Variants in FLII observed in about 807,000 individuals in gnomAD.
FLII encodes the protein protein flightless-1 homolog.
In FLII, 101 loss-of-function variants were observed where a neutral mutation model predicts 156.2. The ratio of observed to expected loss-of-function variants is 0.65; its 90% CI spans 0.55 to 0.76. The LOEUF (loss-of-function observed/expected upper bound fraction) is 0.76, where lower values mean the gene tolerates loss of function less well. Ranked by LOEUF, FLII falls within the 30% of genes least tolerant of loss-of-function variation. The probability of loss-of-function intolerance (pLI) is 0.00; values close to 1 mark genes in which losing one functional copy is unlikely to be tolerated. For synonymous variants in FLII, 767 were observed against 685.8 expected (o/e 1.12, Z -1.85); for missense variants, 1,675 against 1,682.8 (o/e 1.00, Z 0.08).
In FLII at chr17:18,258,705, T is replaced by A. The variant is rs1453599496; in HGVS notation, c.-15A>T. The A allele has an allele frequency of 2.0e-6, 3 of 1,464,584 alleles. No individual in the cohort carries two copies. The highest frequency in any genetic ancestry group is 2.5e-5 in the Admixed American group (1 of 40,732). The allele number at this position is 1,464,584 out of a possible 1,614,324, so 90.7% of individuals were successfully genotyped here. On this transcript the variant is annotated 5_prime_UTR_variant, in exon 1 of 30. Coordinates refer to ENST00000327031, the MANE Select transcript of FLII (RefSeq NM_002018.4). The surrounding 1 kb of genome is among the most constrained non-coding windows in gnomAD (Gnocchi z 4.2). ...GTGGCCTCCATGGCGCCGCTCTCGC[T>A]GCCGGGCCGCGCCGGGCTAGGGAGC... is the stretch of plus-strand genomic sequence containing the variant.
At chr17:18,248,460 C>T in intron 18 of FLII, 90 bp downstream of exon 18, 2 of 1,313,742 alleles carry the variant, frequency 1.5e-6, no homozygotes, top group African/African-American at 1.5e-5. Context: ...CGAGATGGAG[C>T]CCAAAGCCAA....
In FLII at chr17:18,245,637, A is replaced by G. The variant is rs776474760; in HGVS notation, c.3527T>C (p.Phe1176Ser). The G allele has an allele frequency of 3.1e-6, 5 of 1,613,792 alleles. No individual in the cohort carries two copies. The highest frequency in any genetic ancestry group is 4.2e-6 in the Non-Finnish European group (5 of 1,179,976). The change falls in exon 28 of 30, where the codon TTT becomes TCT. Residue 1176 changes from phenylalanine to serine, a missense_variant. This residue lies in a region of FLII where 1,332 missense variants were observed against 1,269.3 expected (regional missense o/e 1.05). Coordinates refer to ENST00000327031, the MANE Select transcript of FLII (RefSeq NM_002018.4). ...GTCGGAGCATTTCTCAGTCACTGCAAAGTAGCCCTTCTCGTTGGAGCACCT... is the reference window on the plus strand; with the variant it reads ...GTCGGAGCATTTCTCAGTCACTGCAGAGTAGCCCTTCTCGTTGGAGCACCT... The part of the protein sequence containing the change: ...LFRCSNEKGY[F>S]AVTEKCSDFC...
chr17:18,251,024 G>A lies in FLII; in HGVS notation c.1597-7C>T, dbSNP rs771413975. 1.2e-6 allele frequency: 2 copies of A among 1,611,228 alleles called. No individual in the cohort carries two copies. The highest frequency in any genetic ancestry group is 2.7e-5 in the African/African-American group (2 of 74,894). On this transcript the variant is annotated splice_polypyrimidine_tract_variant and splice_region_variant and intron_variant, in intron 13 of 29. Coordinates refer to ENST00000327031, the MANE Select transcript of FLII (RefSeq NM_002018.4). ...CGCTGTCATCCAGAAAGGTCTGGAA[G>A]CCAAGGCACCGGCCACATCAGCTTT...
chr17:18,248,254 T>A (rs1388255586), intron 18 of FLII, among the ~76,000 whole-genome samples: 1 of 152,176 alleles, frequency 6.6e-6, no homozygotes, highest in Non-Finnish European at 1.5e-5. Flanking sequence ...CATTTCTAAT[T>A]AACGTGTCCC....
chr17:18,252,612 G>T, intron 9 of FLII, 56 bp from the exon 10 acceptor site: 2 of 1,420,552 alleles, frequency 1.4e-6, no homozygotes, highest in Non-Finnish European at 2.0e-6. Context: ...GGGGAAGTGG[G>T]CAAGAAAACC....
rs780763532 is a variant in FLII, at chr17:18,249,130, G to A, written c.1931C>T (p.Pro644Leu). The stretch of plus-strand genomic sequence containing the variant: ...ACCTCACATTGTTGGGGCTCACCTT[G>A]GGTCCAGAGAGGTCCCCTTGAGGGG... ...PVPLKGTSLD[P>L]RFVFLLDRGL... is the part of the protein sequence containing the mutation. The change falls in exon 16 of 30, where the codon CCA becomes CTA. Residue 644 changes from proline to leucine, a missense_variant. By Grantham distance (98) the Pro-to-Leu change is moderately conservative (BLOSUM62 -3). Coordinates refer to ENST00000327031, the MANE Select transcript of FLII (RefSeq NM_002018.4). 1.2e-6 allele frequency: 2 copies of A among 1,613,594 alleles called. No homozygotes were observed. The highest frequency in any genetic ancestry group is 2.2e-5 in the South Asian group (2 of 91,074).
intron 23 of FLII, 57 bp downstream of exon 23, chr17:18,246,537 C>G: frequency 6.2e-7 from 1 of 1,611,852 alleles, no homozygotes; most frequent in Non-Finnish European, 8.5e-7. Context: ...TTCGCTGGGT[C>G]TGAGCCCCAC....
At chr17:18,247,141 C>CG (rs1555560599) in intron 21 of FLII, 28 bp downstream of exon 21, 12 of 1,364,730 alleles carry the variant, frequency 8.8e-6, no homozygotes, top group South Asian at 1.4e-5. Context: ...CCCCCCCCCC[C>CG]GCGCCCCGGT....
Position 18,247,460 on chromosome 17 carries a change from G to A in FLII, c.2488-103C>T, listed in dbSNP as rs1182728798. 8.1e-6 allele frequency: 10 copies of A among 1,232,476 alleles called. No individual in the cohort carries two copies. In the East Asian group the frequency reaches 1.2e-4, roughly 14 times the overall value. 76.3% of individuals were successfully genotyped at this position (1,232,476 alleles called of 1,614,324 possible). On this transcript the variant is annotated intron_variant, in intron 20 of 29. Coordinates refer to ENST00000327031, the MANE Select transcript of FLII (RefSeq NM_002018.4). ...GGGACCCAAGGGAGATCTAGGGCGG[G>A]GCTTGGGAGGCGGGGCCTCGGACAC...
In FLII at chr17:18,253,684, G is replaced by A; in HGVS notation, c.715C>T (p.Pro239Ser). 6.2e-7 allele frequency: 1 copy of A among 1,613,320 alleles called. No homozygotes were observed. The highest frequency in any genetic ancestry group is 8.5e-7 in the Non-Finnish European group (1 of 1,179,898). The change falls in exon 8 of 30, where the codon CCC becomes TCC. Residue 239 changes from proline to serine, a missense_variant. Pro to Ser is a moderately conservative substitution (Grantham distance 74). Around this residue, in one of 2 missense-constraint regions of FLII, gnomAD observed 343 missense variants for 413.5 expected, o/e 0.83. Coordinates refer to ENST00000327031, the MANE Select transcript of FLII (RefSeq NM_002018.4). ...DLSCNDLTRV[P>S]ECLYTLPSLR... is the part of the protein sequence containing the mutation. ...CTGGGGAGGGTGTACAGACACTCGG[G>A]CACCCGTGTCAGGTCATTGCAGGAC... is the stretch of plus-strand genomic sequence containing the variant.
chr17:18,253,617 A>C lies in FLII; in HGVS notation c.782T>G (p.Leu261Arg). ...LNLSSNQITE[L>R]SLCIDQWVHV... The stretch of plus-strand genomic sequence containing the variant: ...CACCCACTGGTCTATGCACAGGGAC[A>C]GCTCCGTGATCTGGTTGCTGCTGAG... The change falls in exon 8 of 30, where the codon CTG (leucine) becomes CGG (arginine). Residue 261 changes from leucine to arginine, a missense_variant. This residue lies in a region of FLII where 343 missense variants were observed against 413.5 expected (regional missense o/e 0.83). Transcript: ENST00000327031. 6.2e-7 allele frequency: 1 copy of C among 1,614,096 alleles called. No individual in the cohort carries two copies. The highest frequency in any genetic ancestry group is 8.5e-7 in the Non-Finnish European group (1 of 1,180,020).
chr17:18,250,825 A>C lies in FLII; in HGVS notation c.1776+13T>G, dbSNP rs373578718. On this transcript the variant is annotated intron_variant, in intron 14 of 29. Transcript: ENST00000327031. ...CCCCACTCTGCCCACCCCCAATTTT[A>C]ACGGGCTGGCACCTGCAGGAACTCC... 4.4e-6 allele frequency: 7 copies of C among 1,600,892 alleles called. No individual in the cohort carries two copies. The African/African-American group carries it at 9.4e-5, about 21-fold the overall frequency.
intron 9 of FLII, 145 bp from the exon 10 acceptor site, chr17:18,252,701 G>T: frequency 1.5e-6 from 1 of 663,414 alleles, no homozygotes; most frequent in Admixed American, 2.4e-5. Context: ...GGACTTCTCA[G>T]AGCCAAGAGA....
Position 18,245,066 on chromosome 17 carries a change from A to G in FLII, c.*72T>C. ...GGAGCAGGTGGTGTCACCTGAGTAC[A>G]TTCTTTGCTAGCAGACAGTGGATGA... On this transcript the variant is annotated 3_prime_UTR_variant, in exon 30 of 30. Transcript: ENST00000327031. 2 of 1,530,670 alleles carry G rather than the reference A, an allele frequency of 1.3e-6. No individual in the cohort carries two copies. The highest frequency in any genetic ancestry group is 2.4e-5 in the South Asian group (2 of 82,242). The allele number at this position is 1,530,670 out of a possible 1,614,324, so 94.8% of individuals were successfully genotyped here. A position where few individuals can be genotyped will look rare whatever the true frequency, so the allele number is the denominator to read the frequency against.
At position 18,246,470 on chromosome 17, in the gene FLII, T is replaced by G; in HGVS notation, c.3052-8A>C. On this transcript the variant is annotated splice_region_variant and splice_polypyrimidine_tract_variant and intron_variant, in intron 23 of 29. Transcript: ENST00000327031. ...CTGCGTCATGCGTACCACCTGGGGA[T>G]GTGGAAGTGTTAGGGGCAGCTCCCT... is the stretch of plus-strand genomic sequence containing the variant. 6.2e-7 allele frequency: 1 copy of G among 1,613,716 alleles called. No individual in the cohort carries two copies. The highest frequency in any genetic ancestry group is 8.5e-7 in the Non-Finnish European group (1 of 1,179,964).
rs1004117072 is a variant in FLII, at chr17:18,251,279, A to G, written c.1582T>C (p.Tyr528His). 1.2e-6 allele frequency: 2 copies of G among 1,613,970 alleles called. No homozygotes were observed. Among genetic ancestry groups the G allele is most frequent in the East Asian group, 4.5e-5 (2 of 44,884 alleles). Reference sequence around the variant, plus strand: ...CCAGCCCTCACCTTGAGCACAATGTAGCAGTCAGCCTCGTAGAACTTGCCG... The same window carrying G: ...CCAGCCCTCACCTTGAGCACAATGTGGCAGTCAGCCTCGTAGAACTTGCCG... ...FHGKFYEADC[Y>H]IVLKTFLDDS... is the part of the protein sequence containing the mutation. Residue 528 changes from tyrosine (Y) to histidine (H), a missense_variant, in exon 13 of 30, where the codon TAC becomes CAC. Coordinates refer to ENST00000327031, the MANE Select transcript of FLII (RefSeq NM_002018.4).
rs137982832 is a variant in FLII, at chr17:18,253,592, C to T, written c.807G>A (p.Val269=). 6.2e-7 allele frequency: 1 copy of T among 1,614,038 alleles called. No individual in the cohort carries two copies. The change falls in exon 8 of 30, where the codon GTG becomes GTA. Residue 269 remains valine, a synonymous_variant. Transcript: ENST00000327031. ...TELSLCIDQW[V]HVETLNLSRN... is the part of the protein sequence containing the mutation. ...GGGACAGGTTCAGAGTTTCCACGTG[C>T]ACCCACTGGTCTATGCACAGGGACA...
Position 18,258,372 on chromosome 17 carries a change from TCCCGGCCGGGCC to T in FLII, c.63+244_63+255del. 1 of 1,005,118 alleles carries T rather than the reference TCCCGGCCGGGCC, an allele frequency of 9.9e-7. No homozygotes were observed. Among genetic ancestry groups the T allele is most frequent in the Non-Finnish European group, 1.4e-6 (1 of 704,464 alleles). The allele number at this position is 1,005,118 out of a possible 1,614,324, so 62.3% of individuals were successfully genotyped here. On this transcript the variant is annotated intron_variant, in intron 1 of 29. Coordinates refer to ENST00000327031, the MANE Select transcript of FLII (RefSeq NM_002018.4). This position sits in a 1 kb window ranked among gnomAD's most constrained non-coding sequence, Gnocchi z 4.2. ...GAGAACACGGACGCGGGGTGGGGGC[TCCCGGCCGGGCC>T]CCCGGCGGGACTCCGAGCCCAAGCG...
At position 18,246,394 on chromosome 17, in the gene FLII, G is replaced by A; in HGVS notation, c.3120C>T (p.Ile1040=). The stretch of plus-strand genomic sequence containing the variant: ...GGACCGCCTTCCTCTTGCCCCGGTG[G>A]ATGATGAACTTCCTCTTGAAATGGG... ...FLSHFKRKFI[I]HRGKRKAVQG... is the part of the protein sequence containing the mutation. Residue 1040 remains isoleucine (I), a synonymous_variant, in exon 24 of 30, where the codon ATC becomes ATT. Coordinates refer to ENST00000327031, the MANE Select transcript of FLII (RefSeq NM_002018.4). The A allele has an allele frequency of 6.2e-7, 1 of 1,614,034 alleles. No individual in the cohort carries two copies. Among genetic ancestry groups the A allele is most frequent in the Non-Finnish European group, 8.5e-7 (1 of 1,180,004 alleles).
Sources: gnomAD v4.1 joint callset for allele counts (sites outside exome capture counted in the v4.1 genomes callset) on GRCh38, gnomAD v4.1.1 for gene constraint, gnomAD v4.1.1 regional missense constraint, Gnocchi (gnomAD v3.1) non-coding constraint, MANE v1.5 for transcripts, NCBI Gene and HGNC (gene_info 2026-07-23, HGNC 2026-07-21) for gene names.